Variants in EXT1 observed in about 807,000 individuals in gnomAD.
The protein encoded by EXT1 is exostosin glycosyltransferase 1.
EXT1 carries 20 observed loss-of-function variants against 82.5 expected under a neutral mutation model. The ratio of observed to expected loss-of-function variants is 0.24; its 90% CI spans 0.17 to 0.35. EXT1 has a LOEUF of 0.35. Among genes scored for constraint, EXT1 ranks in the 10% least tolerant of loss-of-function variants. EXT1 has a pLI of 1.00. For synonymous variants in EXT1, 348 were observed against 350.8 expected (o/e 0.99, Z 0.09); for missense variants, 757 against 936.5 (o/e 0.81, Z 2.50).
chr8:117,937,757 C>T (rs912429186), intron 1 of EXT1, among the ~76,000 whole-genome samples: 1 of 152,208 alleles, frequency 6.6e-6, no homozygotes, highest in African/African-American at 2.4e-5. Context: ...AGAGAGAGCA[C>T]TGGATTCAGT....
chr8:117,898,125 A>G (rs1586271803), intron 1 of EXT1, among the ~76,000 whole-genome samples: 1 of 152,222 alleles, frequency 6.6e-6, no homozygotes, highest in South Asian at 2.1e-4. Flanking sequence ...TACTCTTTCC[A>G]TAACTTCCTG....
chr8:117,862,853 A>C (rs913680459), intron 1 of EXT1, among the ~76,000 whole-genome samples: 2 of 145,082 alleles, frequency 1.4e-5, no homozygotes, highest in African/African-American at 4.9e-5. Flanking sequence ...ACAGAGGAGA[A>C]GCCAGCTCCC....
At chr8:118,034,059 T>A (rs1277166970) in intron 1 of EXT1, among the ~76,000 whole-genome samples, 1 of 152,316 alleles carries the variant, frequency 6.6e-6, no homozygotes, top group Non-Finnish European at 1.5e-5. Flanking sequence ...GTAAGACTTA[T>A]TAAACATCCA....
In EXT1 at chr8:117,948,820, G is replaced by A. The variant is rs17475987; in HGVS notation, c.963-111619C>T. Reference sequence around the variant, plus strand: ...TTTTTCCCACTCTTTATCTTGGGATGTGCTTGCATTCTTATGCTGAGATAT... The same window carrying A: ...TTTTTCCCACTCTTTATCTTGGGATATGCTTGCATTCTTATGCTGAGATAT... On this transcript the variant is annotated intron_variant, in intron 1 of 10. Transcript: ENST00000378204. Among the ~76,000 whole-genome samples, 1,432 of 152,294 alleles carry A rather than the reference G, an allele frequency of 9.4e-3. 26 individuals carry two copies. The highest frequency in any genetic ancestry group is 0.032 in the African/African-American group (1,340 of 41,552).
rs150515598 is a variant in EXT1 at position 117,949,080 on chromosome 8, G to C, written c.963-111879C>G. Among the ~76,000 whole-genome samples, 20 of 152,254 alleles carry C rather than the reference G, an allele frequency of 1.3e-4. No individual in the cohort carries two copies. The East Asian group carries it at 3.9e-3, about 29-fold the overall frequency. ...TTGTCTAACGACTCTAATATTCTTT[G>C]TTGAGAGTATTTAAGAGATAGGTTA... On this transcript the variant is annotated intron_variant, in intron 1 of 10. Transcript: ENST00000378204.
intron 1 of EXT1, among the ~76,000 whole-genome samples, chr8:117,930,450 T>C (rs900970630): frequency 5.9e-5 from 9 of 152,144 alleles, no homozygotes; most frequent in Non-Finnish European, 1.3e-4. Flanking sequence ...TAAAGACTTC[T>C]ACAGTTGGAA....
At chr8:117,965,189 T>C (rs11562673) in intron 1 of EXT1, among the ~76,000 whole-genome samples, 20 of 152,320 alleles carry the variant, frequency 1.3e-4, no homozygotes, top group East Asian at 7.7e-4. Flanking sequence ...CCTCTGGAAC[T>C]TGAAAATAAA....
chr8:117,850,721 A>T (rs934667806), intron 1 of EXT1, among the ~76,000 whole-genome samples: 1 of 152,194 alleles, frequency 6.6e-6, no homozygotes, highest in East Asian at 1.9e-4. Flanking sequence ...GGGGATAATG[A>T]TATCTGACAA....
At chr8:117,840,325 G>C (rs1457204171) in intron 1 of EXT1, among the ~76,000 whole-genome samples, 6 of 152,122 alleles carry the variant, frequency 3.9e-5, no homozygotes, top group African/African-American at 1.4e-4. Flanking sequence ...TACAGAAAGA[G>C]AGAACCACCG....
At chr8:117,970,365 G>A (rs1019721382) in intron 1 of EXT1, among the ~76,000 whole-genome samples, 8 of 151,196 alleles carry the variant, frequency 5.3e-5, no homozygotes, top group East Asian at 2.0e-4. Flanking sequence ...GTGCAGTGGC[G>A]TGATCTCAGC....
chr8:118,019,858 C>T (rs1816070074), intron 1 of EXT1, among the ~76,000 whole-genome samples: 1 of 152,174 alleles, frequency 6.6e-6, no homozygotes, highest in Admixed American at 6.5e-5. Flanking sequence ...AGGAACACTG[C>T]CTTTCAATAA....
chr8:117,955,574 G>T (rs1210286558), intron 1 of EXT1, among the ~76,000 whole-genome samples: 2 of 149,950 alleles, frequency 1.3e-5, no homozygotes, highest in South Asian at 2.1e-4. Context: ...CCAAATTTTT[G>T]AGACAGAGTC....
At chr8:117,896,847 T>G (rs1459789671) in intron 1 of EXT1, among the ~76,000 whole-genome samples, 1 of 152,112 alleles carries the variant, frequency 6.6e-6, no homozygotes, top group Non-Finnish European at 1.5e-5. Flanking sequence ...CCTTCTAAAT[T>G]CAGTGCCCCT....
At chr8:117,824,430 G>A (rs1053931291) in intron 4 of EXT1, among the ~76,000 whole-genome samples, 1 of 152,202 alleles carries the variant, frequency 6.6e-6, no homozygotes, top group African/African-American at 2.4e-5. Flanking sequence ...AACGGATCTT[G>A]ACAGAAAGAC....
intron 1 of EXT1, among the ~76,000 whole-genome samples, chr8:118,064,328 T>C (rs1816937771): frequency 6.6e-6 from 1 of 151,552 alleles, no homozygotes; most frequent in Non-Finnish European, 1.5e-5. Context: ...ATCCCTCCCC[T>C]AGCTCCCACC....
intron 3 of EXT1, among the ~76,000 whole-genome samples, chr8:117,831,294 G>A (rs561114082): frequency 1.3e-5 from 2 of 152,262 alleles, no homozygotes; most frequent in African/African-American, 4.8e-5. Context: ...AAAGTACTAA[G>A]GTTTTAATGA....
At chr8:117,883,535 G>A (rs1043760507) in intron 1 of EXT1, among the ~76,000 whole-genome samples, 1 of 152,168 alleles carries the variant, frequency 6.6e-6, no homozygotes, top group South Asian at 2.1e-4. Context: ...CGAAAGGCTG[G>A]GACTAATCCT....
chr8:118,076,313 G>A (rs1486708240), intron 1 of EXT1, among the ~76,000 whole-genome samples: 3 of 152,204 alleles, frequency 2.0e-5, no homozygotes, highest in Non-Finnish European at 4.4e-5. Flanking sequence ...CTGGTGTTTA[G>A]AACATCCACT....
chr8:118,042,275 C>T (rs374505683), intron 1 of EXT1, among the ~76,000 whole-genome samples: 40 of 152,076 alleles, frequency 2.6e-4, no homozygotes, highest in African/African-American at 9.6e-4. Context: ...TTCCCAAATC[C>T]ACCTTGGTTT....
Sources: allele counts gnomAD v4.1 joint callset (sites outside exome capture counted in the v4.1 genomes callset), GRCh38; gene constraint gnomAD v4.1.1; transcripts MANE v1.5; gene names NCBI Gene and HGNC (gene_info 2026-07-23, HGNC 2026-07-21).